The following CSPG4 variants were observed in gnomAD, a reference collection of about 807,000 sequenced individuals.
CSPG4 encodes the protein chondroitin sulfate proteoglycan 4.
In CSPG4, 74 loss-of-function variants were observed where a neutral mutation model predicts 139.3. The observed-to-expected ratio is 0.53, with a 90% CI of 0.44 to 0.64. CSPG4 has a LOEUF of 0.64. Ranked by LOEUF, CSPG4 falls within the 30% of genes least tolerant of loss-of-function variation. The pLI, the probability that CSPG4 is intolerant of heterozygous loss-of-function variation, is 0.00. For synonymous variants in CSPG4, 1,234 were observed against 1,394.2 expected, an observed-to-expected ratio of 0.89 and a Z score of 2.56; for missense variants, 2,565 against 3,148.3, an observed-to-expected ratio of 0.81 and a Z score of 4.43.
At chr15:75,685,984 C>A (rs1465774000) in intron 3 of CSPG4, among the ~76,000 whole-genome samples, 1 of 152,168 alleles carries the variant, frequency 6.6e-6, no homozygotes, top group Non-Finnish European at 1.5e-5. Flanking sequence ...ACTTCCCAGG[C>A]TCAAGGGATC....
chr15:75,689,685 C>T lies in CSPG4; in HGVS notation c.1380G>A (p.Glu460=). 6.2e-7 allele frequency: 1 copy of T among 1,612,922 alleles called. No individual in the cohort carries two copies. Among genetic ancestry groups the T allele is most frequent in the Non-Finnish European group, 8.5e-7 (1 of 1,179,858 alleles). ...RHVQPTLDLM[E]AELRKSQVLF... ...GCACCTGGGATTTGCGCAGCTCAGC[C>T]TCCATCAGGTCCAGCGTGGGCTGCA... Residue 460 remains glutamate, a synonymous_variant, in exon 3 of 10, where the codon GAG becomes GAA. Coordinates refer to ENST00000308508, the MANE Select transcript of CSPG4 (RefSeq NM_001897.5).
Position 75,675,910 on chromosome 15 carries a change from G to A in CSPG4, c.6609C>T (p.Ser2203=), listed in dbSNP as rs896354972. The A allele has an allele frequency of 1.2e-6, 2 of 1,602,072 alleles. No individual in the cohort carries two copies. Among genetic ancestry groups the A allele is most frequent in the Admixed American group, 1.7e-5 (1 of 59,952 alleles). ...TPTGEPGPMA[S]SPEPAVAKGG... is the part of the protein sequence containing the mutation. The stretch of plus-strand genomic sequence containing the variant: ...CCTTGGCCACAGCGGGCTCAGGGCT[G>A]GATGCCATGGGGCCTGGCTCGCCTG... Residue 2203 remains serine (S), a synonymous_variant, in exon 10 of 10, where the codon TCC becomes TCT. Coordinates refer to ENST00000308508, the MANE Select transcript of CSPG4 (RefSeq NM_001897.5).
In CSPG4 at chr15:75,676,143, C is replaced by T. The variant is rs1325359540; in HGVS notation, c.6376G>A (p.Glu2126Lys). ...GCCCTCCCCTCTGGCCTGCCCACCT[C>T]CAGCCCCAGCCTCCCGTCCTCAAGG... ...QDLEDGRLGL[E>K]VGRPEGRAPG... Residue 2126 changes from glutamate to lysine, a missense_variant, in exon 10 of 10, where the codon GAG becomes AAG. Physicochemically the swap from Glu to Lys is moderately conservative, Grantham distance 56. Coordinates refer to ENST00000308508, the MANE Select transcript of CSPG4 (RefSeq NM_001897.5). 5 of 1,544,228 alleles carry T rather than the reference C, an allele frequency of 3.2e-6. No individual in the cohort carries two copies. Among genetic ancestry groups the T allele is most frequent in the Non-Finnish European group, 4.3e-6 (5 of 1,151,122 alleles).
chr15:75,676,498 C>G lies in CSPG4; in HGVS notation c.6021G>C (p.Gln2007His), dbSNP rs1893894527. 6.2e-7 allele frequency: 1 copy of G among 1,613,836 alleles called. No individual in the cohort carries two copies. The highest frequency in any genetic ancestry group is 1.7e-5 in the Admixed American group (1 of 60,008). ...TSAFSQFQID[Q>H]GEVVFAFTNF... is the part of the protein sequence containing the mutation. ...TGGTGAAGGCAAAGACCACCTCGCCCTGGTCTATCTGGAATTGGCTGAAGG... is the reference window on the plus strand; with the variant it reads ...TGGTGAAGGCAAAGACCACCTCGCCGTGGTCTATCTGGAATTGGCTGAAGG... Residue 2007 changes from glutamine (Q) to histidine (H), a missense_variant, in exon 10 of 10, where the codon CAG becomes CAC. This residue lies in a region of CSPG4 where 2,316 missense variants were observed against 2,818.2 expected (regional missense o/e 0.82). Transcript: ENST00000308508.
At chr15:75,705,992 C>T (rs138285793) in intron 1 of CSPG4, among the ~76,000 whole-genome samples, 49 of 152,032 alleles carry the variant, frequency 3.2e-4, no homozygotes, top group African/African-American at 1.1e-3. Flanking sequence ...TGCCTGTGTG[C>T]GTATGTCTGT....
intron 1 of CSPG4, among the ~76,000 whole-genome samples, chr15:75,706,797 C>T (rs1445690496): frequency 6.6e-6 from 1 of 152,122 alleles, no homozygotes; most frequent in Non-Finnish European, 1.5e-5. Flanking sequence ...ACAGGATCAC[C>T]TTGACCAGGG....
chr15:75,710,714 C>A (rs1350438946), intron 1 of CSPG4, among the ~76,000 whole-genome samples: 4 of 152,120 alleles, frequency 2.6e-5, no homozygotes, highest in Non-Finnish European at 5.9e-5. Flanking sequence ...CAGGGGCATC[C>A]AGGAGGGGTG....
At position 75,675,831 on chromosome 15, in the gene CSPG4, A is replaced by C. The variant is rs1250254442; in HGVS notation, c.6688T>G (p.Cys2230Gly). ...AGCGCCAGGAGCAGAAGTACCAGGC[A>C]CATGGGGATGATGACGCTGAACATG... ...ANMFSVIIPM[C>G]LVLLLLALIL... The change falls in exon 10 of 10, where the codon TGC (cysteine) becomes GGC (glycine). Residue 2230 changes from cysteine to glycine, a missense_variant. By Grantham distance (159) the Cys-to-Gly change is radical. This residue lies in a region of CSPG4 where 2,316 missense variants were observed against 2,818.2 expected (regional missense o/e 0.82). Coordinates refer to ENST00000308508, the MANE Select transcript of CSPG4 (RefSeq NM_001897.5). 6.2e-7 allele frequency: 1 copy of C among 1,612,672 alleles called. No homozygotes were observed. Among genetic ancestry groups the C allele is most frequent in the Non-Finnish European group, 8.5e-7 (1 of 1,180,006 alleles).
In CSPG4 at chr15:75,700,451, C is replaced by T. The variant is rs539736681; in HGVS notation, c.89-7218G>A. On this transcript the variant is annotated intron_variant, in intron 1 of 9. Coordinates refer to ENST00000308508, the MANE Select transcript of CSPG4 (RefSeq NM_001897.5). The stretch of plus-strand genomic sequence containing the variant: ...CTTGGGCGGTTTGGCAGCCCCTCCT[C>T]TGTGGCTCTGGGGCTGGCCGAATCG... Among the ~76,000 whole-genome samples the T allele has an allele frequency of 5.3e-5, 8 of 152,304 alleles. No homozygotes were observed. The South Asian group carries it at 1.7e-3, about 32-fold the overall frequency.
chr15:75,699,066 C>T (rs1365401519), intron 1 of CSPG4, among the ~76,000 whole-genome samples: 6 of 152,170 alleles, frequency 3.9e-5, no homozygotes, highest in Admixed American at 1.3e-4. Flanking sequence ...GGGCCATCCC[C>T]GCGGCCCAAG....
At chr15:75,680,611 C>T (rs1279525971) in intron 8 of CSPG4, 1 of 153,020 alleles carries the variant, frequency 6.5e-6, no homozygotes, top group East Asian at 1.9e-4. Context: ...TACGGGAGCT[C>T]TGTGGGTGGG....
chr15:75,712,949 C>A (rs1315610567), upstream of CSPG4: 5 of 536,340 alleles, frequency 9.3e-6, no homozygotes, highest in Admixed American at 7.7e-5. Flanking sequence ...CACCTGCCCC[C>A]ACCCTCAACC....
chr15:75,675,928 C>A lies in CSPG4; in HGVS notation c.6591G>T (p.Glu2197Asp), dbSNP rs183417829. 289 of 1,598,172 alleles carry A rather than the reference C, an allele frequency of 1.8e-4. No homozygotes were observed. The highest frequency in any genetic ancestry group is 2.4e-4 in the Non-Finnish European group (283 of 1,177,412). Residue 2197 changes from glutamate to aspartate, a missense_variant, in exon 10 of 10, where the codon GAG (glutamate) becomes GAT (aspartate). Around this residue, in one of 5 missense-constraint regions of CSPG4, gnomAD observed 2,316 missense variants for 2,818.2 expected, o/e 0.82. Coordinates refer to ENST00000308508, the MANE Select transcript of CSPG4 (RefSeq NM_001897.5). ...CAGGGCTGGATGCCATGGGGCCTGGCTCGCCTGTGGGGGTGCTGCTCTCTG... is the reference window on the plus strand; with the variant it reads ...CAGGGCTGGATGCCATGGGGCCTGGATCGCCTGTGGGGGTGCTGCTCTCTG... ...GKPESSTPTG[E>D]PGPMASSPEP... is the part of the protein sequence containing the mutation.
chr15:75,712,776 G>C lies in CSPG4; in HGVS notation c.-21C>G. 1 of 1,531,862 alleles carries C rather than the reference G, an allele frequency of 6.5e-7. No individual in the cohort carries two copies. Among genetic ancestry groups the C allele is most frequent in the Non-Finnish European group, 8.8e-7 (1 of 1,137,794 alleles). The allele number at this position is 1,531,862 out of a possible 1,614,324, so 94.9% of individuals were successfully genotyped here. On this transcript the variant is annotated 5_prime_UTR_variant, in exon 1 of 10. Transcript: ENST00000308508. ...TGCATCCCGGCGGGCTGGGCGGCAG[G>C]ACTTGCGAGGAGCCAGCGGAGTCCT... is the stretch of plus-strand genomic sequence containing the variant.
intron 1 of CSPG4, among the ~76,000 whole-genome samples, chr15:75,697,094 G>A (rs1472736322): frequency 1.3e-5 from 2 of 152,144 alleles, no homozygotes; most frequent in Non-Finnish European, 2.9e-5. Context: ...AGCCAGGCCA[G>A]GGCCGGGTCT....
At chr15:75,701,260 G>A (rs1361574730) in intron 1 of CSPG4, among the ~76,000 whole-genome samples, 2 of 152,190 alleles carry the variant, frequency 1.3e-5, no homozygotes, top group African/African-American at 2.4e-5. Context: ...GAAGGCCATG[G>A]ACCTGTGATG....
Position 75,687,833 on chromosome 15 carries a change from T to C in CSPG4, c.3232A>G (p.Ile1078Val), listed in dbSNP as rs757996529. The change falls in exon 3 of 10, where the codon ATC (isoleucine) becomes GTC (valine). Residue 1078 changes from isoleucine (I) to valine (V), a missense_variant. This residue lies in a region of CSPG4 where 2,316 missense variants were observed against 2,818.2 expected (regional missense o/e 0.82). Transcript: ENST00000308508. This position sits in a 1 kb window ranked among gnomAD's most constrained non-coding sequence, Gnocchi z 5.4. ...IVAVDEPTRPIYRFTQEDLRK... is the reference protein window; with the variant it reads ...IVAVDEPTRPVYRFTQEDLRK... Reference sequence around the variant, plus strand: ...AGGTCCTCCTGGGTGAAGCGGTAGATGGGCCGCGTGGGCTCATCTACGGCC... The same window carrying C: ...AGGTCCTCCTGGGTGAAGCGGTAGACGGGCCGCGTGGGCTCATCTACGGCC... The C allele has an allele frequency of 6.2e-7, 1 of 1,612,848 alleles. No individual in the cohort carries two copies. Among genetic ancestry groups the C allele is most frequent in the South Asian group, 1.1e-5 (1 of 91,086 alleles).
At chr15:75,700,903 C>T (rs190384393) in intron 1 of CSPG4, among the ~76,000 whole-genome samples, 1 of 152,276 alleles carries the variant, frequency 6.6e-6, no homozygotes, top group East Asian at 1.9e-4. Context: ...CTCCTCAGTT[C>T]CCCCATCTGA....
chr15:75,694,029 C>T (rs999563507), intron 1 of CSPG4, among the ~76,000 whole-genome samples: 1 of 152,250 alleles, frequency 6.6e-6, no homozygotes, highest in African/African-American at 2.4e-5. Context: ...CCCCGATGAG[C>T]AGTCAGATCC....
Sources: allele counts gnomAD v4.1 joint callset (sites outside exome capture counted in the v4.1 genomes callset), GRCh38; gene constraint gnomAD v4.1.1; regional missense constraint gnomAD v4.1.1; non-coding constraint Gnocchi (gnomAD v3.1); transcripts MANE v1.5; gene names NCBI Gene and HGNC (gene_info 2026-07-23, HGNC 2026-07-21).